Variants in FAM178B observed in about 807,000 individuals in gnomAD.
The protein encoded by FAM178B is protein FAM178B.
A neutral mutation model predicts 91.7 loss-of-function variants in FAM178B; 82 were observed. That is an observed-to-expected ratio of 0.89 (90% CI 0.75 to 1.07). The LOEUF (loss-of-function observed/expected upper bound fraction) is 1.07. Ranked by LOEUF, FAM178B falls within the 50% of genes least tolerant of loss-of-function variation. The pLI is 0.00. For synonymous variants in FAM178B, 368 were observed against 359.4 expected (o/e 1.02, Z -0.27); for missense variants, 769 against 846.7 (o/e 0.91, Z 1.14).
At position 96,895,105 on chromosome 2, in the gene FAM178B, T is replaced by G. The variant is rs542591597; in HGVS notation, c.1651-1054A>C. The G allele has an allele frequency of 8.7e-5, 112 of 1,289,502 alleles. No homozygotes were observed. In the African/African-American group the frequency reaches 1.7e-3, roughly 19 times the overall value. 79.9% of individuals were successfully genotyped at this position (1,289,502 alleles called of 1,614,324 possible). A position where few individuals can be genotyped will look rare whatever the true frequency, so the allele number is the denominator to read the frequency against. The stretch of plus-strand genomic sequence containing the variant: ...ATCTTCATTCCGCCTGGCCTGTGTC[T>G]TCAGCCCCTGCCTTCCACTCCCCTT... On this transcript the variant is annotated intron_variant, in intron 13 of 16. Coordinates refer to ENST00000490605, the MANE Select transcript of FAM178B (RefSeq NM_001122646.3).
At chr2:96,949,912 G>T in intron 7 of FAM178B, 1 of 923,046 alleles carries the variant, frequency 1.1e-6, no homozygotes, top group Non-Finnish European at 1.3e-6. Flanking sequence ...CAGAGCTGAT[G>T]CTAAGAAACC....
At chr2:96,925,915 A>C (rs1273159351) in intron 9 of FAM178B, among the ~76,000 whole-genome samples, 1 of 152,194 alleles carries the variant, frequency 6.6e-6, no homozygotes, top group South Asian at 2.1e-4. Flanking sequence ...CTGCCTCTTT[A>C]ATCAATTGCC....
chr2:96,921,713 G>A, intron 10 of FAM178B, 59 bp from the exon 11 acceptor site: 7 of 1,500,034 alleles, frequency 4.7e-6, no homozygotes, highest in Admixed American at 4.0e-5. Flanking sequence ...AGAGTACTTC[G>A]AGGACCAGTT....
chr2:96,925,331 T>A (rs1185267232), intron 9 of FAM178B, among the ~76,000 whole-genome samples: 3 of 152,170 alleles, frequency 2.0e-5, no homozygotes, highest in African/African-American at 7.2e-5. Context: ...CCTGTCCTCC[T>A]TGGAAAGAAA....
At chr2:96,951,334 G>T (rs1395197198) in intron 7 of FAM178B, 45 bp downstream of exon 7, 2 of 1,419,602 alleles carry the variant, frequency 1.4e-6, no homozygotes, top group East Asian at 5.0e-5. Context: ...CGGGCCACCA[G>T]ACTGCAGCGC....
Position 96,893,972 on chromosome 2 carries a change from G to C in FAM178B, c.1730C>G (p.Pro577Arg), listed in dbSNP as rs1301023449. The change falls in exon 14 of 17, where the codon CCC becomes CGC. Residue 577 changes from proline (P) to arginine (R), a missense_variant. Coordinates refer to ENST00000490605, the MANE Select transcript of FAM178B (RefSeq NM_001122646.3). The part of the protein sequence containing the change: ...RQYLDSVPLP[P>R]CQEQQPKASA... ...AGCCTTTGGCTGTTGCTCCTGGCAG[G>C]GTGGCAAGGGCACAGAGTCCAGGTA... 1 of 1,612,990 alleles carries C rather than the reference G, an allele frequency of 6.2e-7. No individual in the cohort carries two copies. Among genetic ancestry groups the C allele is most frequent in the Non-Finnish European group, 8.5e-7 (1 of 1,179,688 alleles).
At chr2:96,877,790 C>G in intron 16 of FAM178B, 100 bp downstream of exon 16, 1 of 1,247,920 alleles carries the variant, frequency 8.0e-7, no homozygotes, top group Non-Finnish European at 1.1e-6. Flanking sequence ...CTGCCAGGAG[C>G]TCAGCAGCTG....
chr2:96,919,556 G>A (rs551008589), intron 12 of FAM178B, among the ~76,000 whole-genome samples: 51 of 152,344 alleles, frequency 3.3e-4, no homozygotes, highest in African/African-American at 1.1e-3. Context: ...ATTTAGGGAC[G>A]AAAGGGGTAA....
intron 12 of FAM178B, among the ~76,000 whole-genome samples, chr2:96,906,917 C>T (rs112982030): frequency 2.0e-5 from 3 of 152,210 alleles, no homozygotes; most frequent in Non-Finnish European, 4.4e-5. Flanking sequence ...TTGAGGCCTG[C>T]GCGGGAGCTC....
intron 16 of FAM178B, chr2:96,877,620 C>G (rs981293099): frequency 2.3e-6 from 1 of 435,184 alleles, no homozygotes; most frequent in African/African-American, 2.0e-5. Flanking sequence ...CCAGGCTGGT[C>G]TCCTGACCTT....
At chr2:96,961,335 GTGTGTACACACACA>G (rs2082078879) in intron 5 of FAM178B, among the ~76,000 whole-genome samples, 1 of 150,074 alleles carries the variant, frequency 6.7e-6, no homozygotes. Flanking sequence ...GTGTGTGTGT[GTGTGTACACACACA>G]CAAGCCTACA....
chr2:96,960,783 G>A (rs1162003769), intron 5 of FAM178B, among the ~76,000 whole-genome samples: 2 of 152,188 alleles, frequency 1.3e-5, no homozygotes, highest in Non-Finnish European at 2.9e-5. Context: ...CCCAGGAAGG[G>A]CATAAACAAA....
rs761793924 is a variant in FAM178B, at chr2:96,893,981, G to A, written c.1721C>T (p.Pro574Leu). 1.9e-6 allele frequency: 3 copies of A among 1,612,872 alleles called. No individual in the cohort carries two copies. Among genetic ancestry groups the A allele is most frequent in the Non-Finnish European group, 8.5e-7 (1 of 1,179,734 alleles). Residue 574 changes from proline to leucine, a missense_variant, in exon 14 of 17, where the codon CCC (proline) becomes CTC (leucine). Coordinates refer to ENST00000490605, the MANE Select transcript of FAM178B (RefSeq NM_001122646.3). ...CTGTTGCTCCTGGCAGGGTGGCAAG[G>A]GCACAGAGTCCAGGTATTGCCTGAG... ...SSLRQYLDSV[P>L]LPPCQEQQPK...
chr2:96,947,789 C>T, intron 8 of FAM178B, 29 bp downstream of exon 8: 1 of 1,358,768 alleles, frequency 7.4e-7, no homozygotes. Flanking sequence ...CTCAGTGCGC[C>T]AATCTCCACC....
At chr2:96,951,193 T>G (rs552218340) in intron 7 of FAM178B, among the ~76,000 whole-genome samples, 186 bp downstream of exon 7, 1 of 152,236 alleles carries the variant, frequency 6.6e-6, no homozygotes, top group South Asian at 2.1e-4. Context: ...CTCCCTGGCC[T>G]TGGCATTCTT....
At chr2:96,964,578 T>C (rs914868882) in intron 5 of FAM178B, among the ~76,000 whole-genome samples, 3 of 152,158 alleles carry the variant, frequency 2.0e-5, no homozygotes, top group Admixed American at 2.0e-4. Flanking sequence ...CCAGCCTCCC[T>C]AGCATCGATT....
intron 12 of FAM178B, among the ~76,000 whole-genome samples, chr2:96,920,104 A>G (rs1398502116): frequency 6.6e-6 from 1 of 152,098 alleles, no homozygotes; most frequent in Non-Finnish European, 1.5e-5. Flanking sequence ...CTGCAAAGGG[A>G]CAGGCCCAGA....
Position 96,965,877 on chromosome 2 carries a change from A to C in FAM178B, c.734+1643T>G, listed in dbSNP as rs183015884. ...CTAGACCTTCCATCCATTTGTCAGC[A>C]AATCCTGTCACTTCTACCCTGAAAA... On this transcript the variant is annotated intron_variant, in intron 5 of 16. Coordinates refer to ENST00000490605, the MANE Select transcript of FAM178B (RefSeq NM_001122646.3). Among the ~76,000 whole-genome samples, 217 of 152,194 alleles carry C rather than the reference A, an allele frequency of 1.4e-3. 1 individual carries two copies. The highest frequency in any genetic ancestry group is 5.0e-3 in the African/African-American group (208 of 41,524).
chr2:96,960,236 A>T (rs527299927), intron 6 of FAM178B, 52 bp downstream of exon 6: 187 of 1,538,126 alleles, frequency 1.2e-4, no homozygotes, highest in Admixed American at 2.0e-4. Context: ...TCCAGGAGGG[A>T]GGGGTCCTGG....
Sources: gnomAD v4.1 joint callset for allele counts (sites outside exome capture counted in the v4.1 genomes callset) on GRCh38, gnomAD v4.1.1 for gene constraint, MANE v1.5 for transcripts, NCBI Gene and HGNC (gene_info 2026-07-23, HGNC 2026-07-21) for gene names.